The following NUMB variants were observed in gnomAD, a reference collection of about 807,000 sequenced individuals.
The protein encoded by NUMB is protein numb homolog.
In NUMB, 29 loss-of-function variants were observed where a neutral mutation model predicts 59.7. The ratio of observed to expected loss-of-function variants is 0.49; its 90% CI spans 0.36 to 0.66. NUMB has a LOEUF of 0.66. NUMB is among the 30% of genes least tolerant of loss of function. The pLI is 0.00. For missense variants in NUMB, 723 were observed against 822.0 expected (o/e 0.88, Z 1.47); for synonymous variants, 288 against 288.2 (o/e 1.00, Z 0.01).
At chr14:73,284,839 T>TTTAC (rs1474089983) in intron 9 of NUMB, 1 of 150,480 alleles carries the variant, frequency 6.6e-6, no homozygotes, top group Non-Finnish European at 1.5e-5. Context: ...TCTTTATTTA[T>TTTAC]TTATTTATTT....
chr14:73,394,204 C>G (rs1323920811), intron 2 of NUMB, among the ~76,000 whole-genome samples: 1 of 152,076 alleles, frequency 6.6e-6, no homozygotes, highest in Non-Finnish European at 1.5e-5. Flanking sequence ...ATCAACCCAC[C>G]TCGTGCTGGG....
At chr14:73,419,734 G>A (rs1897281366) in intron 1 of NUMB, among the ~76,000 whole-genome samples, 1 of 152,044 alleles carries the variant, frequency 6.6e-6, no homozygotes, top group African/African-American at 2.4e-5. Flanking sequence ...ATCCCATCCT[G>A]CCCCTTAACA....
intron 2 of NUMB, among the ~76,000 whole-genome samples, chr14:73,382,444 T>G (rs1314695602): frequency 7.5e-6 from 1 of 132,540 alleles, no homozygotes. Flanking sequence ...CCTATTTTTA[T>G]AGCAAAAAAA....
chr14:73,353,076 T>G (rs1196574724), intron 4 of NUMB, among the ~76,000 whole-genome samples: 1 of 83,644 alleles, frequency 1.2e-5, no homozygotes, highest in African/African-American at 4.6e-5. Flanking sequence ...TTTCTTGTTT[T>G]TTTTTTTTTT....
chr14:73,453,513 G>C (rs1375707985), intron 1 of NUMB, among the ~76,000 whole-genome samples: 1 of 151,870 alleles, frequency 6.6e-6, no homozygotes, highest in Admixed American at 6.6e-5. Context: ...ATCACTACCT[G>C]TGTGTTGCAG....
chr14:73,282,297 G>A lies in NUMB; in HGVS notation c.1096+62C>T, dbSNP rs1435653566. On this transcript the variant is annotated intron_variant, in intron 11 of 12. Coordinates refer to ENST00000555238, the MANE Select transcript of NUMB (RefSeq NM_001005743.2). ...CTCAGGATGCCAACTTACAGTTAGTGAGCAGTGTACTAAAAGTACTGGTTG... is the reference window on the plus strand; with the variant it reads ...CTCAGGATGCCAACTTACAGTTAGTAAGCAGTGTACTAAAAGTACTGGTTG... The A allele has an allele frequency of 7.1e-6, 11 of 1,549,754 alleles. No individual in the cohort carries two copies. The South Asian group carries it at 9.4e-5, about 13-fold the overall frequency.
At chr14:73,377,439 G>A (rs960395214) in intron 2 of NUMB, among the ~76,000 whole-genome samples, 3 of 152,052 alleles carry the variant, frequency 2.0e-5, no homozygotes, top group Admixed American at 1.3e-4. Flanking sequence ...TCCAGAGTTC[G>A]AGACCAGCCT....
intron 2 of NUMB, among the ~76,000 whole-genome samples, chr14:73,406,405 C>T (rs1218998992): frequency 2.0e-5 from 3 of 151,998 alleles, no homozygotes; most frequent in African/African-American, 4.8e-5. Flanking sequence ...TCATCCATGT[C>T]CCTACAAAGG....
chr14:73,361,415 A>G (rs184229661), intron 3 of NUMB, among the ~76,000 whole-genome samples: 25 of 152,188 alleles, frequency 1.6e-4, no homozygotes, highest in Non-Finnish European at 2.8e-4. Context: ...TGCTATGATT[A>G]TACATAGATT....
chr14:73,435,607 C>G (rs776745495), intron 1 of NUMB, among the ~76,000 whole-genome samples: 10 of 152,014 alleles, frequency 6.6e-5, no homozygotes, highest in Admixed American at 1.3e-4. Flanking sequence ...ACACATGTGC[C>G]CTGTGACACA....
chr14:73,334,701 C>A (rs1449780301), intron 4 of NUMB, among the ~76,000 whole-genome samples: 1 of 152,096 alleles, frequency 6.6e-6, no homozygotes, highest in Non-Finnish European at 1.5e-5. Flanking sequence ...GTAATCCCAG[C>A]ACTTTGGGAG....
intron 4 of NUMB, among the ~76,000 whole-genome samples, chr14:73,324,614 G>A (rs17126871): frequency 0.23 from 34,295 of 147,432 alleles, 4,840 homozygotes; most frequent in East Asian, 0.68. Context: ...AACTAACAAA[G>A]TTTTTTTTTT....
intron 3 of NUMB, among the ~76,000 whole-genome samples, chr14:73,359,150 A>G (rs1048453966): frequency 1.3e-5 from 2 of 152,216 alleles, no homozygotes; most frequent in Non-Finnish European, 2.9e-5. Context: ...TTAAAAAATG[A>G]ATTTGGAAAA....
At chr14:73,363,252 T>A (rs1020715527) in intron 3 of NUMB, among the ~76,000 whole-genome samples, 1 of 151,274 alleles carries the variant, frequency 6.6e-6, no homozygotes, top group Non-Finnish European at 1.5e-5. Flanking sequence ...AGCCAGATCA[T>A]ACCACTGCAC....
intron 1 of NUMB, among the ~76,000 whole-genome samples, chr14:73,420,756 G>T (rs1897317312): frequency 6.6e-6 from 1 of 152,108 alleles, no homozygotes; most frequent in Admixed American, 6.6e-5. Context: ...GGAGGTAGAG[G>T]TTGCAGTGAG....
chr14:73,332,841 T>C (rs1892065452), intron 4 of NUMB, among the ~76,000 whole-genome samples: 1 of 152,026 alleles, frequency 6.6e-6, no homozygotes, highest in African/African-American at 2.4e-5. Context: ...ATATTTCACA[T>C]ACAGGGAAGC....
chr14:73,381,705 C>T (rs1252436961), intron 2 of NUMB, among the ~76,000 whole-genome samples: 2 of 152,126 alleles, frequency 1.3e-5, no homozygotes, highest in Non-Finnish European at 2.9e-5. Flanking sequence ...ATATAAGCTG[C>T]ATGAAGGCAG....
At chr14:73,359,792 A>G (rs1035370224) in intron 3 of NUMB, among the ~76,000 whole-genome samples, 4 of 152,240 alleles carry the variant, frequency 2.6e-5, no homozygotes, top group African/African-American at 9.6e-5. Flanking sequence ...CCCTTTACTG[A>G]CAAATAACTT....
chr14:73,290,667 G>A (rs1043435936), intron 8 of NUMB, among the ~76,000 whole-genome samples: 2 of 152,310 alleles, frequency 1.3e-5, no homozygotes, highest in Admixed American at 6.5e-5. Context: ...ATTCTGTCTC[G>A]ACACTTGCTG....
Sources: gnomAD v4.1 joint callset for allele counts (sites outside exome capture counted in the v4.1 genomes callset) on GRCh38, gnomAD v4.1.1 for gene constraint, MANE v1.5 for transcripts, NCBI Gene and HGNC (gene_info 2026-07-23, HGNC 2026-07-21) for gene names.